KCNQ3: variants seen among roughly 807,000 people sequenced by gnomAD.
The protein encoded by KCNQ3 is potassium voltage-gated channel subfamily KQT member 3.
In KCNQ3, 30 loss-of-function variants were observed where a neutral mutation model predicts 92.5. The ratio of observed to expected loss-of-function variants is 0.32; its 90% confidence interval spans 0.24 to 0.44. The LOEUF is 0.44. KCNQ3 is among the 20% of genes least tolerant of loss of function. KCNQ3 has a pLI of 1.00. For missense variants in KCNQ3, 913 were observed against 1,140.3 expected, an observed-to-expected ratio of 0.80 and a Z score of 2.87; for synonymous variants, 450 against 468.8, an observed-to-expected ratio of 0.96 and a Z score of 0.52.
At chr8:132,170,120 G>A (rs553304432) in intron 8 of KCNQ3, among the ~76,000 whole-genome samples, 8 of 152,142 alleles carry the variant, frequency 5.3e-5, no homozygotes, top group Non-Finnish European at 7.4e-5. Flanking sequence ...TGATCCACCC[G>A]CCTCGGCCTC....
intron 9 of KCNQ3, among the ~76,000 whole-genome samples, chr8:132,143,582 C>T (rs1292359737): frequency 1.3e-5 from 2 of 152,176 alleles, no homozygotes; most frequent in Non-Finnish European, 2.9e-5. Flanking sequence ...GCTTTCTGGT[C>T]TCCAGTTTCC....
chr8:132,267,150 C>A (rs1816007696), intron 1 of KCNQ3, among the ~76,000 whole-genome samples: 1 of 152,106 alleles, frequency 6.6e-6, no homozygotes, highest in African/African-American at 2.4e-5. Flanking sequence ...AGTCATAATA[C>A]CAAGTGCCAC....
At chr8:132,272,015 G>A (rs573647972) in intron 1 of KCNQ3, among the ~76,000 whole-genome samples, 9 of 152,280 alleles carry the variant, frequency 5.9e-5, no homozygotes, top group East Asian at 3.9e-4. Flanking sequence ...AAGCAGAACC[G>A]AGACATTTTG....
chr8:132,398,922 G>A (rs1820264624), intron 1 of KCNQ3, among the ~76,000 whole-genome samples: 1 of 152,342 alleles, frequency 6.6e-6, no homozygotes, highest in African/African-American at 2.4e-5. Flanking sequence ...GTTAAAGGCT[G>A]CAGTGGTGAG....
At chr8:132,130,070 T>C (rs1264352550) in intron 14 of KCNQ3, 74 bp from the exon 15 acceptor site, 1 of 1,469,600 alleles carries the variant, frequency 6.8e-7, no homozygotes, top group Non-Finnish European at 9.2e-7. Flanking sequence ...TGGGAGGAAA[T>C]ATTCTTTTTT....
intron 1 of KCNQ3, among the ~76,000 whole-genome samples, chr8:132,346,658 C>T (rs1447819138): frequency 1.3e-5 from 2 of 152,346 alleles, no homozygotes; most frequent in East Asian, 3.9e-4. Flanking sequence ...GAGCAAACTC[C>T]TTCATGTTTG....
At chr8:132,431,812 G>A (rs540439840) in intron 1 of KCNQ3, among the ~76,000 whole-genome samples, 2 of 152,246 alleles carry the variant, frequency 1.3e-5, no homozygotes, top group Non-Finnish European at 2.9e-5. Flanking sequence ...AACTTACATG[G>A]AGATCCCAGA....
chr8:132,303,807 G>C (rs1167378704), intron 1 of KCNQ3, among the ~76,000 whole-genome samples: 1 of 147,662 alleles, frequency 6.8e-6, no homozygotes, highest in Non-Finnish European at 1.5e-5. Context: ...TGTGTGTATA[G>C]ATATACACAC....
chr8:132,393,184 T>G (rs969342257), intron 1 of KCNQ3, among the ~76,000 whole-genome samples: 2 of 152,174 alleles, frequency 1.3e-5, no homozygotes, highest in Non-Finnish European at 2.9e-5. Context: ...TCTATCTAAA[T>G]AGCCATCCAC....
At chr8:132,428,339 A>G (rs962572606) in intron 1 of KCNQ3, among the ~76,000 whole-genome samples, 1 of 152,204 alleles carries the variant, frequency 6.6e-6, no homozygotes, top group African/African-American at 2.4e-5. Flanking sequence ...TGCCTGCTGT[A>G]GCCAGACAAA....
In KCNQ3 at chr8:132,124,103, C is replaced by A. The variant is rs1303856357; in HGVS notation, c.*5159G>T. ...GTCCAATGGAATTGCCACAACTCAG[C>A]CACTGAGATCCAACATTCCTGCCTC... On this transcript the variant is annotated 3_prime_UTR_variant, in exon 15 of 15. Coordinates refer to ENST00000388996, the MANE Select transcript of KCNQ3 (RefSeq NM_004519.4). The A allele has an allele frequency of 6.6e-6, 1 of 152,192 alleles. No individual in the cohort carries two copies. Among genetic ancestry groups the A allele is most frequent in the Non-Finnish European group, 1.5e-5 (1 of 68,050 alleles). The allele number at this position is 152,192 out of a possible 1,614,324, so 9.4% of individuals were successfully genotyped here. A position where few individuals can be genotyped will look rare whatever the true frequency, so the allele number is the denominator to read the frequency against.
chr8:132,205,758 C>T (rs1200452425), intron 1 of KCNQ3, among the ~76,000 whole-genome samples: 2 of 152,198 alleles, frequency 1.3e-5, no homozygotes, highest in Non-Finnish European at 2.9e-5. Flanking sequence ...GGAAGACCCT[C>T]TTGTAGGTGG....
intron 1 of KCNQ3, among the ~76,000 whole-genome samples, chr8:132,314,963 G>C (rs1047660621): frequency 6.6e-6 from 1 of 152,204 alleles, no homozygotes; most frequent in Non-Finnish European, 1.5e-5. Flanking sequence ...TGGTTAGATG[G>C]TGTGACAGGG....
intron 1 of KCNQ3, among the ~76,000 whole-genome samples, chr8:132,450,877 C>T (rs1821804015): frequency 6.6e-6 from 1 of 152,180 alleles, no homozygotes; most frequent in Non-Finnish European, 1.5e-5. Context: ...AAAAGAAAAG[C>T]AGAACTGAAA....
At chr8:132,148,436 G>A (rs745329913) in intron 9 of KCNQ3, among the ~76,000 whole-genome samples, 15 of 152,106 alleles carry the variant, frequency 9.9e-5, no homozygotes, top group African/African-American at 2.7e-4. Flanking sequence ...GGGTTTCACC[G>A]TGTTGCCAAG....
intron 1 of KCNQ3, among the ~76,000 whole-genome samples, chr8:132,304,757 C>T (rs1478061020): frequency 3.9e-5 from 6 of 151,956 alleles, no homozygotes; most frequent in African/African-American, 1.5e-4. Flanking sequence ...GTAAAAGTCA[C>T]CTTGCATATT....
intron 1 of KCNQ3, among the ~76,000 whole-genome samples, chr8:132,272,759 C>T (rs1445115597): frequency 1.3e-5 from 2 of 152,082 alleles, no homozygotes; most frequent in East Asian, 3.9e-4. Context: ...CCACTGGGTC[C>T]CTCCCATGAC....
chr8:132,244,264 C>T (rs947657861), intron 1 of KCNQ3, among the ~76,000 whole-genome samples: 8 of 151,828 alleles, frequency 5.3e-5, no homozygotes, highest in African/African-American at 1.9e-4. Context: ...TAAAAGAAAA[C>T]TTTATATCAC....
At chr8:132,205,365 G>A (rs1270299609) in intron 1 of KCNQ3, among the ~76,000 whole-genome samples, 3 of 152,240 alleles carry the variant, frequency 2.0e-5, no homozygotes, top group South Asian at 2.1e-4. Flanking sequence ...ATTTGCTTGC[G>A]CTATGGATGG....
Sources: allele counts gnomAD v4.1 joint callset (sites outside exome capture counted in the v4.1 genomes callset), GRCh38; gene constraint gnomAD v4.1.1; transcripts MANE v1.5; gene names NCBI Gene and HGNC (gene_info 2026-07-23, HGNC 2026-07-21).